The following FGF13 variants were observed in gnomAD, a reference collection of about 807,000 sequenced individuals.
The protein encoded by FGF13 is fibroblast growth factor homologous factor 2.
A neutral mutation model predicts 19.5 loss-of-function variants in FGF13; 2 were observed. The ratio of observed to expected loss-of-function variants is 0.10; its 90% CI spans 0.04 to 0.32. The LOEUF is 0.32. FGF13 is among the 10% of genes least tolerant of loss of function. The pLI, the probability that FGF13 is intolerant of heterozygous loss-of-function variation, is 1.00. For missense variants in FGF13, 113 were observed against 192.7 expected, an observed-to-expected ratio of 0.59 and a Z score of 2.45; for synonymous variants, 72 against 76.9, an observed-to-expected ratio of 0.94 and a Z score of 0.33.
chrX:138,935,670 G>A (rs762468482), intron 1 of FGF13, among the ~76,000 whole-genome samples: 3 of 111,069 alleles, frequency 2.7e-5, no homozygotes, highest in Non-Finnish European at 5.7e-5. Context: ...GACTTTTCTT[G>A]GTGTATAGTT....
intron 1 of FGF13, among the ~76,000 whole-genome samples, chrX:138,911,855 C>T (rs750107652): frequency 3.6e-5 from 4 of 111,831 alleles, no homozygotes; most frequent in South Asian, 3.8e-4. Context: ...GAATAACACC[C>T]TGTCTCAGAA....
chrX:138,881,352 T>C (rs2091423232), intron 1 of FGF13, among the ~76,000 whole-genome samples: 1 of 111,966 alleles, frequency 8.9e-6, no homozygotes, highest in South Asian at 3.7e-4. Flanking sequence ...CTGTACATAG[T>C]ATTATGTCAC....
At chrX:138,669,004 A>G (rs932381172) in intron 3 of FGF13, among the ~76,000 whole-genome samples, 1 of 111,448 alleles carries the variant, frequency 9.0e-6, no homozygotes, top group Non-Finnish European at 1.9e-5. Flanking sequence ...TGAGAAAATA[A>G]AAGCAAAGGT....
chrX:138,955,601 T>A (rs1439493456), intron 1 of FGF13, among the ~76,000 whole-genome samples: 2 of 112,001 alleles, frequency 1.8e-5, no homozygotes, highest in Non-Finnish European at 3.8e-5. Flanking sequence ...GGATACAAAG[T>A]GTGTGCTCTT....
chrX:138,640,976 G>A (rs1361887373), intron 3 of FGF13, among the ~76,000 whole-genome samples: 1 of 111,203 alleles, frequency 9.0e-6, no homozygotes. Flanking sequence ...TACATGGGCT[G>A]CACTGATTCC....
At chrX:139,193,281 T>C (rs1412943064) in intron 1 of FGF13, among the ~76,000 whole-genome samples, 1 of 111,960 alleles carries the variant, frequency 8.9e-6, no homozygotes. Flanking sequence ...CTAAATTAAA[T>C]TAGCAAAATT....
chrX:139,202,950 T>TC (rs199812228), intron 1 of FGF13, among the ~76,000 whole-genome samples: 18,563 of 111,227 alleles, frequency 0.17, 3,452 homozygotes, highest in African/African-American at 0.55. Flanking sequence ...CCGTGGCCAT[T>TC]CGGACACTTG....
At chrX:139,100,622 G>C (rs7888266) in intron 1 of FGF13, among the ~76,000 whole-genome samples, 1 of 110,910 alleles carries the variant, frequency 9.0e-6, no homozygotes, top group Non-Finnish European at 1.9e-5. Flanking sequence ...GATAAAAAGC[G>C]TTTTTCCTTT....
chrX:139,167,450 T>C (rs767880233), intron 1 of FGF13, among the ~76,000 whole-genome samples: 4 of 111,907 alleles, frequency 3.6e-5, no homozygotes, highest in Non-Finnish European at 7.5e-5. Context: ...TCACCCTAGG[T>C]AACTTTTTAT....
chrX:138,796,103 T>C (rs924827499), intron 3 of FGF13, among the ~76,000 whole-genome samples: 1 of 110,764 alleles, frequency 9.0e-6, no homozygotes, highest in African/African-American at 3.3e-5. Context: ...GTGCTGAACA[T>C]GCAGGTTTGT....
intron 1 of FGF13, among the ~76,000 whole-genome samples, chrX:139,170,349 C>T (rs959508626): frequency 2.7e-5 from 3 of 111,515 alleles, no homozygotes; most frequent in African/African-American, 9.8e-5. Flanking sequence ...ACAATTGTTT[C>T]CTGCATACAG....
intron 1 of FGF13, among the ~76,000 whole-genome samples, chrX:139,177,481 T>TTCTG (rs1006361008): frequency 9.0e-6 from 1 of 111,603 alleles, no homozygotes; most frequent in Non-Finnish European, 1.9e-5. Context: ...TAACTGGTTA[T>TTCTG]TCTGTCTGTT....
At chrX:138,961,363 C>A (rs1343327763) in intron 1 of FGF13, among the ~76,000 whole-genome samples, 2 of 111,448 alleles carry the variant, frequency 1.8e-5, no homozygotes, top group Non-Finnish European at 3.8e-5. Context: ...GCAAATACTG[C>A]AGAACACGAT....
Position 139,179,757 on chromosome X carries a change from A to G in FGF13, c.-113+23659T>C, listed in dbSNP as rs925771824. 5.3e-5 allele frequency among the ~76,000 whole-genome samples: 6 copies of G among 113,066 alleles called. No individual in the cohort carries two copies. The East Asian group carries it at 8.4e-4, about 16-fold the overall frequency. On this transcript the variant is annotated intron_variant, in intron 1 of 2. Transcript: ENST00000421460. ...ATGCATCTACCTGGAGTATGAGAGTATCTTGGACTGGTCTGACTCATTTCT... is the reference window on the plus strand; with the variant it reads ...ATGCATCTACCTGGAGTATGAGAGTGTCTTGGACTGGTCTGACTCATTTCT...
chrX:139,177,102 G>A (rs773796908), intron 1 of FGF13, among the ~76,000 whole-genome samples: 7 of 110,762 alleles, frequency 6.3e-5, no homozygotes, highest in Non-Finnish European at 1.3e-4. Context: ...TCCTGTATTG[G>A]GTGCATATAT....
At chrX:139,028,656 AG>A (rs2092212399) in intron 1 of FGF13, among the ~76,000 whole-genome samples, 1 of 61,248 alleles carries the variant, frequency 1.6e-5, no homozygotes, top group Non-Finnish European at 3.2e-5. Flanking sequence ...TGTGTGAGAG[AG>A]AGAGAGAAAG....
intron 3 of FGF13, among the ~76,000 whole-genome samples, chrX:138,663,010 A>G (rs191615046): frequency 9.0e-5 from 10 of 111,534 alleles, no homozygotes; most frequent in African/African-American, 3.3e-4. Context: ...CTTGAACAAG[A>G]CTAGTTCCCC....
At chrX:138,980,297 C>T (rs1016889635) in intron 1 of FGF13, among the ~76,000 whole-genome samples, 5 of 111,203 alleles carry the variant, frequency 4.5e-5, no homozygotes, top group African/African-American at 1.6e-4. Context: ...CGAGCCAAAC[C>T]TTACCTGATT....
At chrX:139,063,048 A>G (rs768708606) in intron 1 of FGF13, among the ~76,000 whole-genome samples, 53 of 111,797 alleles carry the variant, frequency 4.7e-4, no homozygotes, top group Non-Finnish European at 8.3e-4. Context: ...TCTGGAAAAA[A>G]TAAGAGAAAA....
Sources: allele counts gnomAD v4.1 joint callset (sites outside exome capture counted in the v4.1 genomes callset), GRCh38; gene constraint gnomAD v4.1.1; transcripts MANE v1.5; gene names NCBI Gene and HGNC (gene_info 2026-07-23, HGNC 2026-07-21).